Variants in DHH observed in about 807,000 individuals in gnomAD.
DHH encodes desert hedgehog protein.
Under a neutral mutation model 27.6 loss-of-function variants are expected in DHH, and 16 were observed. That is an observed-to-expected ratio of 0.58 (90% confidence interval 0.39 to 0.88). The LOEUF (loss-of-function observed/expected upper bound fraction) is 0.88. Ranked by LOEUF, DHH falls within the 40% of genes least tolerant of loss-of-function variation. DHH has a pLI of 0.00. For synonymous variants in DHH, 289 were observed against 263.4 expected (o/e 1.10, Z -0.94); for missense variants, 436 against 563.1 (o/e 0.77, Z 2.28).
Position 49,088,141 on chromosome 12 carries a change from T to C in DHH, c.*1718A>G, listed in dbSNP as rs969258436. Among the ~76,000 whole-genome samples, 2 of 152,082 alleles carry C rather than the reference T, an allele frequency of 1.3e-5. No homozygotes were observed. Among genetic ancestry groups the C allele is most frequent in the Admixed American group, 6.6e-5 (1 of 15,258 alleles). On this transcript the variant is annotated 3_prime_UTR_variant, in exon 3 of 3. Coordinates refer to ENST00000649637, the MANE Select transcript of DHH (RefSeq NM_021044.4). The stretch of plus-strand genomic sequence containing the variant: ...ATAAGGAAGTCTGGGCTACTACAGG[T>C]ATACTAGTAGGGCATCTGCAGCTTC...
In DHH at chr12:49,087,369, C is replaced by T. The variant is rs963648806; in HGVS notation, c.*2490G>A. Among the ~76,000 whole-genome samples, 1 of 152,132 alleles carries T rather than the reference C, an allele frequency of 6.6e-6. No individual in the cohort carries two copies. Among genetic ancestry groups the T allele is most frequent in the Non-Finnish European group, 1.5e-5 (1 of 68,014 alleles). On this transcript the variant is annotated 3_prime_UTR_variant, in exon 3 of 3. Coordinates refer to ENST00000649637, the MANE Select transcript of DHH (RefSeq NM_021044.4). ...TCTCCCTAGCTAACTTATTACAGTG[C>T]TAGGAATCATCACCATTATGATTTT...
Position 49,090,628 on chromosome 12 carries a change from C to G in DHH, c.566-144G>C, listed in dbSNP as rs1177629921. On this transcript the variant is annotated intron_variant, in intron 2 of 2. Coordinates refer to ENST00000649637, the MANE Select transcript of DHH (RefSeq NM_021044.4). This position sits in a 1 kb window ranked among gnomAD's most constrained non-coding sequence, Gnocchi z 5.2. ...CCCAACCTGGGCAGAAAAGGAAGGGCGGTTTTTCTTTCTTTTCTTTTCCTT... is the reference window on the plus strand; with the variant it reads ...CCCAACCTGGGCAGAAAAGGAAGGGGGGTTTTTCTTTCTTTTCTTTTCCTT... 1 of 1,117,018 alleles carries G rather than the reference C, an allele frequency of 9.0e-7. No homozygotes were observed. The highest frequency in any genetic ancestry group is 1.3e-6 in the Non-Finnish European group (1 of 790,276). 69.2% of individuals were successfully genotyped at this position (1,117,018 alleles called of 1,614,324 possible).
chr12:49,090,379 C>T lies in DHH; in HGVS notation c.671G>A (p.Trp224Ter). The change falls in exon 3 of 3, where the codon TGG (tryptophan) becomes TAG (stop). Residue 224 changes from tryptophan (W) to a stop codon, truncating the protein, a stop_gained. Transcript: ENST00000649637. LOFTEE classifies it high-confidence loss of function. The surrounding 1 kb of genome is among the most constrained non-coding windows in gnomAD (Gnocchi z 5.2). The stretch of plus-strand genomic sequence containing the variant: ...GCCTGACGCATCGGCCGCCAAAACC[C>T]AGTCTCCGCGGTGCAGTTCCCGCAG... ...KGLRELHRGD[W>*]VLAADASGRV... 6.2e-7 allele frequency: 1 copy of T among 1,609,794 alleles called. No homozygotes were observed. The highest frequency in any genetic ancestry group is 8.5e-7 in the Non-Finnish European group (1 of 1,178,750).
At position 49,091,311 on chromosome 12, in the gene DHH, C is replaced by T. The variant is rs1169178002; in HGVS notation, c.382G>A (p.Gly128Ser). 3 of 1,614,192 alleles carry T rather than the reference C, an allele frequency of 1.9e-6. No individual in the cohort carries two copies. The highest frequency in any genetic ancestry group is 2.2e-5 in the South Asian group (2 of 91,076). Residue 128 changes from glycine to serine, a missense_variant, in exon 2 of 3, where the codon GGC becomes AGC. By Grantham distance (56) the Gly-to-Ser change is moderately conservative. Coordinates refer to ENST00000649637, the MANE Select transcript of DHH (RefSeq NM_021044.4). The surrounding 1 kb of genome is among the most constrained non-coding windows in gnomAD (Gnocchi z 4.8). The part of the protein sequence containing the change: ...WPGVRLRVTE[G>S]WDEDGHHAQD... ...GCGTGGTGGCCGTCCTCGTCCCAGC[C>T]CTCAGTCACTCGTAGGCGCACTCCG...
chr12:49,094,318 C>A lies in DHH; in HGVS notation c.195G>T (p.Gly65=). Reference sequence around the variant, plus strand: ...AGCGCTCGGAGCCCCTTGCCACCCTCCCCTCCGCTGGCCCACTGGCGCCCA... The same window carrying A: ...AGCGCTCGGAGCCCCTTGCCACCCTACCCTCCGCTGGCCCACTGGCGCCCA... ...RTLGASGPAE[G]RVARGSERFR... Residue 65 remains glycine (G), a synonymous_variant, in exon 1 of 3, where the codon GGG becomes GGT. Transcript: ENST00000649637. The A allele has an allele frequency of 6.2e-7, 1 of 1,613,342 alleles. No individual in the cohort carries two copies. The highest frequency in any genetic ancestry group is 1.3e-5 in the African/African-American group (1 of 75,074).
Position 49,094,272 on chromosome 12 carries a change from A to G in DHH, c.241T>C (p.Tyr81His). The change falls in exon 1 of 3, where the codon TAC (tyrosine) becomes CAC (histidine). Residue 81 changes from tyrosine (Y) to histidine (H), a missense_variant. By Grantham distance (83) the Tyr-to-His change is moderately conservative (BLOSUM62 2). Transcript: ENST00000649637. ...SERFRDLVPN[Y>H]NPDIIFKDEE... ...TCCTTGAAGATGATGTCGGGGTTGT[A>G]GTTGGGCACGAGGTCCCGGAAGCGC... 6.2e-7 allele frequency: 1 copy of G among 1,613,514 alleles called. No individual in the cohort carries two copies. Among genetic ancestry groups the G allele is most frequent in the South Asian group, 1.1e-5 (1 of 91,088 alleles).
rs1218893682 is a variant in DHH at position 49,089,324 on chromosome 12, T to G, written c.*535A>C. 1.3e-5 allele frequency: 2 copies of G among 152,762 alleles called. No homozygotes were observed. The highest frequency in any genetic ancestry group is 4.8e-5 in the African/African-American group (2 of 41,468). The allele number at this position is 152,762 out of a possible 1,614,324, so 9.5% of individuals were successfully genotyped here. On this transcript the variant is annotated 3_prime_UTR_variant, in exon 3 of 3. Transcript: ENST00000649637. ...GGGAGGAAAAGGGTCCCAAAGACCC[T>G]GCTGAGGAAGGAGGGGGAGCCGGAA...
At chr12:49,094,064 T>A (rs1254051752) in intron 1 of DHH, 146 bp downstream of exon 1, 2 of 912,128 alleles carry the variant, frequency 2.2e-6, no homozygotes, top group Non-Finnish European at 3.3e-6. Context: ...ACTGCAAGGA[T>A]TTTTCCCCCC....
chr12:49,088,191 C>T lies in DHH; in HGVS notation c.*1668G>A, dbSNP rs180762231. Among the ~76,000 whole-genome samples, 1 of 152,186 alleles carries T rather than the reference C, an allele frequency of 6.6e-6. No individual in the cohort carries two copies. Among genetic ancestry groups the T allele is most frequent in the East Asian group, 1.9e-4 (1 of 5,170 alleles). On this transcript the variant is annotated 3_prime_UTR_variant, in exon 3 of 3. Transcript: ENST00000649637. ...CCAGGAACCACAGAGCTAAACTAGG[C>T]AGGAGTGATGTAAAAGTGCCATGGT...
Position 49,091,076 on chromosome 12 carries a change from T to C in DHH, c.565+52A>G, listed in dbSNP as rs1402048689. 2 of 1,613,676 alleles carry C rather than the reference T, an allele frequency of 1.2e-6. No homozygotes were observed. Among genetic ancestry groups the C allele is most frequent in the Non-Finnish European group, 1.7e-6 (2 of 1,179,782 alleles). On this transcript the variant is annotated intron_variant, in intron 2 of 2. Coordinates refer to ENST00000649637, the MANE Select transcript of DHH (RefSeq NM_021044.4). This position sits in a 1 kb window ranked among gnomAD's most constrained non-coding sequence, Gnocchi z 4.8. The stretch of plus-strand genomic sequence containing the variant: ...CAACAGTACTACTGCAGACTCAGTT[T>C]CCCGGAGGGAGCCCCCTTTGGGCGG...
intron 1 of DHH, among the ~76,000 whole-genome samples, chr12:49,093,871 C>T (rs1939346181): frequency 1.3e-5 from 2 of 152,328 alleles, no homozygotes; most frequent in South Asian, 2.1e-4. Context: ...CACCCCAGCC[C>T]TTCCTGCCTG....
rs1555142407 is a variant in DHH at position 49,090,711 on chromosome 12, G to GTATGTATGTATGTATT, written c.566-228_566-227insAATACATACATACATA. Among the ~76,000 whole-genome samples, 2 of 129,122 alleles carry GTATGTATGTATGTATT rather than the reference G, an allele frequency of 1.5e-5. No individual in the cohort carries two copies. The highest frequency in any genetic ancestry group is 7.6e-5 in the Admixed American group (1 of 13,092). The allele number at this position is 129,122 out of a possible 152,430, so 84.7% of individuals were successfully genotyped here. ...TGTATGTATGTATGTATGTATGTAT[G>GTATGTATGTATGTATT]TATTTTGAGATAGAATCTCGCTCTG... On this transcript the variant is annotated intron_variant, in intron 2 of 2. Coordinates refer to ENST00000649637, the MANE Select transcript of DHH (RefSeq NM_021044.4). The surrounding 1 kb of genome is among the most constrained non-coding windows in gnomAD (Gnocchi z 5.2).
rs1283533346 is a variant in DHH at position 49,088,473 on chromosome 12, G to A, written c.*1386C>T. Among the ~76,000 whole-genome samples the A allele has an allele frequency of 6.6e-6, 1 of 152,156 alleles. No homozygotes were observed. The highest frequency in any genetic ancestry group is 1.5e-5 in the Non-Finnish European group (1 of 68,028). Reference sequence around the variant, plus strand: ...AGCAGGGACCCTGTGCGATGGGAGCGCACAGCGGCTACTGGCAAGGGCGAG... The same window carrying A: ...AGCAGGGACCCTGTGCGATGGGAGCACACAGCGGCTACTGGCAAGGGCGAG... On this transcript the variant is annotated 3_prime_UTR_variant, in exon 3 of 3. Coordinates refer to ENST00000649637, the MANE Select transcript of DHH (RefSeq NM_021044.4).
chr12:49,091,189 T>C lies in DHH; in HGVS notation c.504A>G (p.Glu168=). Residue 168 remains glutamate, a synonymous_variant, in exon 2 of 3, where the codon GAA becomes GAG. Coordinates refer to ENST00000649637, the MANE Select transcript of DHH (RefSeq NM_021044.4). This position sits in a 1 kb window ranked among gnomAD's most constrained non-coding sequence, Gnocchi z 4.8. ...KYGLLARLAV[E]AGFDWVYYES... ...CGTAGTAGACCCAGTCGAAGCCGGC[T>C]TCCACTGCGAGGCGCGCCAGCAACC... 1.9e-6 allele frequency: 3 copies of C among 1,614,216 alleles called. No homozygotes were observed. Among genetic ancestry groups the C allele is most frequent in the Non-Finnish European group, 2.5e-6 (3 of 1,180,028 alleles).
chr12:49,087,850 T>C lies in DHH; in HGVS notation c.*2009A>G, dbSNP rs116260049. ...CATGACAGGAAGGCACCAGATCTGATAAAAAGAGACAAGGGCAGGTTTAGA... is the reference window on the plus strand; with the variant it reads ...CATGACAGGAAGGCACCAGATCTGACAAAAAGAGACAAGGGCAGGTTTAGA... On this transcript the variant is annotated 3_prime_UTR_variant, in exon 3 of 3. Transcript: ENST00000649637. Among the ~76,000 whole-genome samples the C allele has an allele frequency of 5.9e-3, 899 of 152,090 alleles. 5 individuals are homozygous for C. The highest frequency in any genetic ancestry group is 0.02 in the African/African-American group (846 of 41,452).
intron 1 of DHH, among the ~76,000 whole-genome samples, 188 bp downstream of exon 1, chr12:49,094,022 T>C (rs1939350091): frequency 6.6e-6 from 1 of 152,160 alleles, no homozygotes; most frequent in African/African-American, 2.4e-5. Context: ...CAGACTATTC[T>C]AGTCGGGAGC....
rs977621074 is a variant in DHH, at chr12:49,091,922, C to G, written c.304-533G>C. ...AACCCCTTCGTGCTCTGGGTGCCCC[C>G]CAGAGAGGTGCCCAAGAGGAGCTGT... is the stretch of plus-strand genomic sequence containing the variant. On this transcript the variant is annotated intron_variant, in intron 1 of 2. Coordinates refer to ENST00000649637, the MANE Select transcript of DHH (RefSeq NM_021044.4). The surrounding 1 kb of genome is among the most constrained non-coding windows in gnomAD (Gnocchi z 4.8). Among the ~76,000 whole-genome samples the G allele has an allele frequency of 6.6e-6, 1 of 152,296 alleles. No homozygotes were observed. Among genetic ancestry groups the G allele is most frequent in the South Asian group, 2.1e-4 (1 of 4,828 alleles).
In DHH at chr12:49,091,087, G is replaced by GC; in HGVS notation, c.565+40dup. 1 of 1,613,954 alleles carries GC rather than the reference G, an allele frequency of 6.2e-7. No individual in the cohort carries two copies. The highest frequency in any genetic ancestry group is 8.5e-7 in the Non-Finnish European group (1 of 1,179,870). ...CTGCAGACTCAGTTTCCCGGAGGGA[G>GC]CCCCCTTTGGGCGGATTTTACCACC... is the stretch of plus-strand genomic sequence containing the variant. On this transcript the variant is annotated intron_variant, in intron 2 of 2. Coordinates refer to ENST00000649637, the MANE Select transcript of DHH (RefSeq NM_021044.4). This position sits in a 1 kb window ranked among gnomAD's most constrained non-coding sequence, Gnocchi z 4.8.
rs1037129013 is a variant in DHH at position 49,090,491 on chromosome 12, G to A, written c.566-7C>T. 2 of 1,598,896 alleles carry A rather than the reference G, an allele frequency of 1.3e-6. No individual in the cohort carries two copies. The highest frequency in any genetic ancestry group is 2.7e-5 in the African/African-American group (2 of 74,852). ...CGGACCGCCAGTGAGTTATCTGCAGGGAACAACCACAGGGAGGATTGAATC... is the reference window on the plus strand; with the variant it reads ...CGGACCGCCAGTGAGTTATCTGCAGAGAACAACCACAGGGAGGATTGAATC... On this transcript the variant is annotated splice_polypyrimidine_tract_variant and splice_region_variant and intron_variant, in intron 2 of 2. Coordinates refer to ENST00000649637, the MANE Select transcript of DHH (RefSeq NM_021044.4). This position sits in a 1 kb window ranked among gnomAD's most constrained non-coding sequence, Gnocchi z 5.2.
Sources: allele counts gnomAD v4.1 joint callset (sites outside exome capture counted in the v4.1 genomes callset), GRCh38; gene constraint gnomAD v4.1.1; non-coding constraint Gnocchi (gnomAD v3.1); transcripts MANE v1.5; gene names NCBI Gene and HGNC (gene_info 2026-07-23, HGNC 2026-07-21).